Variants in GALNT13 observed in about 807,000 individuals in gnomAD.
The protein encoded by GALNT13 is UDP-GalNAc:polypeptide N-acetylgalactosaminyltransferase 13.
GALNT13 carries 28 observed loss-of-function variants against 64.2 expected under a neutral mutation model. That is an observed-to-expected ratio of 0.44 (90% CI 0.32 to 0.60). GALNT13 has a LOEUF of 0.60. GALNT13 is among the 20% of genes least tolerant of loss of function. The pLI is 0.05. For synonymous variants in GALNT13, 214 were observed against 224.6 expected (o/e 0.95, Z 0.42); for missense variants, 577 against 669.8 (o/e 0.86, Z 1.53).
At chr2:153,174,675 G>A in the GALNT13 span, among the ~76,000 whole-genome samples, 4 of 152,080 alleles carry the variant, frequency 2.6e-5, no homozygotes, top group Non-Finnish European at 5.9e-5. Context: ...ATCACTATAA[G>A]TTCTATTTTC....
chr2:153,087,076 C>G, the GALNT13 span, among the ~76,000 whole-genome samples: 199 of 152,218 alleles, frequency 1.3e-3, no homozygotes, highest in African/African-American at 4.5e-3. Flanking sequence ...CAGGGGAGTT[C>G]TTTCAACTTC....
At chr2:153,599,676 C>T in the GALNT13 span, among the ~76,000 whole-genome samples, 1 of 151,928 alleles carries the variant, frequency 6.6e-6, no homozygotes, top group Admixed American at 6.6e-5. Flanking sequence ...CACAACTCCC[C>T]AAGAGACACC....
the GALNT13 span, among the ~76,000 whole-genome samples, chr2:153,223,162 T>A: frequency 6.6e-6 from 1 of 152,086 alleles, no homozygotes; most frequent in East Asian, 1.9e-4. Flanking sequence ...CAACAGAGCA[T>A]CAAAAGGACA....
intron 2 of GALNT13, among the ~76,000 whole-genome samples, chr2:153,912,584 T>C (rs541531383): frequency 6.6e-6 from 1 of 152,194 alleles, no homozygotes; most frequent in South Asian, 2.1e-4. Context: ...GATGTTTTTT[T>C]TTCTTTTATC....
At chr2:153,881,073 A>G (rs143727395) in intron 1 of GALNT13, among the ~76,000 whole-genome samples, 1 of 152,298 alleles carries the variant, frequency 6.6e-6, no homozygotes, top group Non-Finnish European at 1.5e-5. Flanking sequence ...GTCATTTAAC[A>G]GGTGGAAGGG....
At chr2:154,309,671 C>T (rs1693928045) in intron 9 of GALNT13, among the ~76,000 whole-genome samples, 1 of 152,144 alleles carries the variant, frequency 6.6e-6, no homozygotes, top group African/African-American at 2.4e-5. Context: ...TCCCATGACC[C>T]AAACACCTCC....
the GALNT13 span, among the ~76,000 whole-genome samples, chr2:153,488,133 T>A: frequency 6.6e-6 from 1 of 152,204 alleles, no homozygotes; most frequent in Non-Finnish European, 1.5e-5. Flanking sequence ...GACAGCAGCA[T>A]CCAGAACATG....
intron 2 of GALNT13, among the ~76,000 whole-genome samples, chr2:153,937,788 G>A (rs1691049147): frequency 6.6e-6 from 1 of 152,182 alleles, no homozygotes; most frequent in Non-Finnish European, 1.5e-5. Context: ...CTAGAAAGGA[G>A]TACACGGTTT....
intron 4 of GALNT13, among the ~76,000 whole-genome samples, chr2:154,204,849 G>T (rs754609463): frequency 6.6e-6 from 1 of 152,196 alleles, no homozygotes; most frequent in Non-Finnish European, 1.5e-5. Context: ...TTCACTTCAA[G>T]TGTCAGTTCT....
At chr2:153,764,938 AC>A in the GALNT13 span, among the ~76,000 whole-genome samples, 1 of 152,186 alleles carries the variant, frequency 6.6e-6, no homozygotes, top group African/African-American at 2.4e-5. Flanking sequence ...GGCAGATTAT[AC>A]CTGGTGTTGG....
chr2:153,304,874 C>T, the GALNT13 span, among the ~76,000 whole-genome samples: 341 of 151,974 alleles, frequency 2.2e-3, 4 homozygotes, highest in East Asian at 0.019. Flanking sequence ...AAAACATTTG[C>T]GGAGAGGGCT....
chr2:153,515,144 T>G, the GALNT13 span, among the ~76,000 whole-genome samples: 1 of 152,152 alleles, frequency 6.6e-6, no homozygotes, highest in Non-Finnish European at 1.5e-5. Flanking sequence ...TTCACTGTCT[T>G]TTCTCCACTG....
At chr2:154,386,481 A>G (rs1437437296) in intron 9 of GALNT13, among the ~76,000 whole-genome samples, 1 of 152,030 alleles carries the variant, frequency 6.6e-6, no homozygotes, top group African/African-American at 2.4e-5. Context: ...CAGATAAGAC[A>G]AATATAACTT....
intron 4 of GALNT13, among the ~76,000 whole-genome samples, chr2:154,170,612 C>T (rs1685294092): frequency 6.6e-6 from 1 of 152,082 alleles, no homozygotes; most frequent in Non-Finnish European, 1.5e-5. Context: ...AGCATAGTGC[C>T]AGATGTCACA....
At chr2:153,460,507 C>T in the GALNT13 span, among the ~76,000 whole-genome samples, 9 of 151,936 alleles carry the variant, frequency 5.9e-5, no homozygotes, top group South Asian at 2.1e-4. Context: ...ATCATTATTC[C>T]GATCTTCTTA....
intron 2 of GALNT13, among the ~76,000 whole-genome samples, chr2:153,932,676 C>T (rs1309372762): frequency 2.2e-5 from 3 of 136,498 alleles, no homozygotes; most frequent in Admixed American, 8.0e-5. Context: ...TGCCCAGCCT[C>T]GAATGCAATG....
the GALNT13 span, among the ~76,000 whole-genome samples, chr2:153,437,895 T>A: frequency 6.6e-6 from 1 of 152,246 alleles, no homozygotes. Flanking sequence ...ATTTTGCTCA[T>A]TAGTTGATGC....
chr2:153,613,097 C>T, the GALNT13 span, among the ~76,000 whole-genome samples: 4 of 152,076 alleles, frequency 2.6e-5, no homozygotes, highest in East Asian at 3.9e-4. Flanking sequence ...GGTTTGAACA[C>T]GCATTGATTT....
chr2:153,647,898 G>T, the GALNT13 span, among the ~76,000 whole-genome samples: 2 of 152,104 alleles, frequency 1.3e-5, no homozygotes, highest in Non-Finnish European at 2.9e-5. Flanking sequence ...GTCAGGTAGC[G>T]TGATGTCTCC....
Sources: allele counts gnomAD v4.1 joint callset (sites outside exome capture counted in the v4.1 genomes callset), GRCh38; gene constraint gnomAD v4.1.1; transcripts MANE v1.5; gene names NCBI Gene and HGNC (gene_info 2026-07-23, HGNC 2026-07-21).